The following MAP3K13 variants were observed in gnomAD, a reference collection of about 807,000 sequenced individuals.
MAP3K13 encodes the protein mitogen-activated protein kinase kinase kinase 13.
Under a neutral mutation model 104.0 loss-of-function variants are expected in MAP3K13, and 52 were observed. The ratio of observed to expected loss-of-function variants is 0.50; its 90% CI spans 0.40 to 0.63. The LOEUF (loss-of-function observed/expected upper bound fraction) is 0.63. Ranked by LOEUF, MAP3K13 falls within the 20% of genes least tolerant of loss-of-function variation. MAP3K13 has a pLI of 0.00. For synonymous variants in MAP3K13, 394 were observed against 442.2 expected (o/e 0.89, Z 1.37); for missense variants, 914 against 1,218.5 (o/e 0.75, Z 3.72).
chr3:185,424,158 A>G (rs543649255), intron 1 of MAP3K13, among the ~76,000 whole-genome samples: 207 of 152,196 alleles, frequency 1.4e-3, no homozygotes, highest in African/African-American at 4.8e-3. Flanking sequence ...AGGGAAAATA[A>G]CCCGGTATTT....
chr3:185,317,965 G>GA (rs528138539), intron 2 of MAP3K13, among the ~76,000 whole-genome samples: 112 of 130,898 alleles, frequency 8.6e-4, no homozygotes, highest in Admixed American at 2.2e-3. Flanking sequence ...AAACTTTAAA[G>GA]AAAAAAAAAA....
intron 7 of MAP3K13, among the ~76,000 whole-genome samples, chr3:185,455,995 GATATATATGAGATATAT>G (rs1332910480): frequency 1.4e-4 from 21 of 146,562 alleles, no homozygotes; most frequent in African/African-American, 3.0e-4. Flanking sequence ...ATATATATGA[GATATATATGAGATATAT>G]ATATATATGA....
At chr3:185,454,431 ATATATAT>A (rs1716159114) in intron 7 of MAP3K13, among the ~76,000 whole-genome samples, 1 of 105,998 alleles carries the variant, frequency 9.4e-6, no homozygotes, top group Non-Finnish European at 1.8e-5. Context: ...GATATATATG[ATATATAT>A]GAGATATATA....
At chr3:185,366,534 A>G (rs1048673992) in intron 1 of MAP3K13, among the ~76,000 whole-genome samples, 1 of 152,202 alleles carries the variant, frequency 6.6e-6, no homozygotes, top group African/African-American at 2.4e-5. Flanking sequence ...AAGTGGTTGC[A>G]CCATTTTACA....
chr3:185,451,319 G>C lies in MAP3K13; in HGVS notation c.1202G>C (p.Arg401Pro). Residue 401 changes from arginine (R) to proline (P), a missense_variant, in exon 7 of 14, where the codon CGG becomes CCG. Arg to Pro is a moderately radical substitution (Grantham distance 103). Transcript: ENST00000265026. Reference protein sequence around the residue: ...QSKPRNRPSFRQTLMHLDIAS... With the variant: ...QSKPRNRPSFPQTLMHLDIAS... ...AAACCTCGAAACCGACCTTCTTTTC[G>C]GCAGACACTCATGCATTTAGACATT... is the stretch of plus-strand genomic sequence containing the variant. The C allele has an allele frequency of 6.2e-7, 1 of 1,612,406 alleles. No individual in the cohort carries two copies. The highest frequency in any genetic ancestry group is 8.5e-7 in the Non-Finnish European group (1 of 1,179,242).
chr3:185,466,788 G>A (rs1407161962), intron 9 of MAP3K13, 38 bp from the exon 10 acceptor site: 10 of 1,612,660 alleles, frequency 6.2e-6, no homozygotes, highest in Non-Finnish European at 8.5e-6. Context: ...CTTTCTGTCT[G>A]CAATGACTGA....
At chr3:185,375,036 T>G (rs1724358100) in intron 1 of MAP3K13, among the ~76,000 whole-genome samples, 1 of 152,148 alleles carries the variant, frequency 6.6e-6, no homozygotes, top group Non-Finnish European at 1.5e-5. Flanking sequence ...GGTGGCAGTT[T>G]GAGGTAAAAC....
chr3:185,408,304 C>T (rs1713235151), intron 1 of MAP3K13, among the ~76,000 whole-genome samples: 2 of 152,152 alleles, frequency 1.3e-5, no homozygotes, highest in South Asian at 4.2e-4. Flanking sequence ...TGGCTCACAC[C>T]TGTAATCCCA....
chr3:185,324,720 T>C (rs1721987763), intron 2 of MAP3K13, among the ~76,000 whole-genome samples: 1 of 152,100 alleles, frequency 6.6e-6, no homozygotes, highest in South Asian at 2.1e-4. Flanking sequence ...AACTTCCTTT[T>C]AACCTCAAGG....
intron 1 of MAP3K13, among the ~76,000 whole-genome samples, chr3:185,365,545 G>A (rs1225562582): frequency 6.6e-6 from 1 of 152,144 alleles, no homozygotes; most frequent in South Asian, 2.1e-4. Flanking sequence ...GCTGAATTAA[G>A]TGCTTGGAGA....
At chr3:185,474,161 A>T (rs1344481678) in intron 11 of MAP3K13, among the ~76,000 whole-genome samples, 1 of 151,672 alleles carries the variant, frequency 6.6e-6, no homozygotes, top group Non-Finnish European at 1.5e-5. Flanking sequence ...TGTCTCTACT[A>T]AAAAAAATAC....
rs1721028093 is a variant in MAP3K13, at chr3:185,299,539, TTCTC to T, written c.-86+13908_-86+13911del. Among the ~76,000 whole-genome samples the T allele has an allele frequency of 3.7e-5, 2 of 54,484 alleles. 1 individual carries two copies. Among genetic ancestry groups the T allele is most frequent in the Admixed American group, 3.6e-4 (2 of 5,546 alleles). 35.7% of individuals were successfully genotyped at this position (54,484 alleles called of 152,430 possible). On this transcript the variant is annotated intron_variant, in intron 2 of 14. Transcript: ENST00000424227. Reference sequence around the variant, plus strand: ...TATCTTCTCTGTATGTCTGTCTGTTTTCTCTCTCTCTCTCTTTTTTTTTTTTTTT... The same window carrying T: ...TATCTTCTCTGTATGTCTGTCTGTTTTCTCTCTCTCTTTTTTTTTTTTTTT...
chr3:185,446,188 A>T (rs1715581355), intron 4 of MAP3K13, among the ~76,000 whole-genome samples: 1 of 152,088 alleles, frequency 6.6e-6, no homozygotes, highest in South Asian at 2.1e-4. Flanking sequence ...AAGCAAGGGG[A>T]TAGAGTCAGA....
Position 185,352,666 on chromosome 3 carries a change from C to T in MAP3K13, c.-86+67023C>T, listed in dbSNP as rs573829206. ...TGATTTATCCCTCTGTGTAAATACA[C>T]CAGCATATGTTATCTTGAACATAGA... is the stretch of plus-strand genomic sequence containing the variant. On this transcript the variant is annotated intron_variant, in intron 2 of 14. Coordinates refer to the MAP3K13 transcript ENST00000424227. Among the ~76,000 whole-genome samples the T allele has an allele frequency of 3.3e-4, 50 of 152,216 alleles. No individual in the cohort carries two copies. The South Asian group carries it at 9.3e-3, about 28-fold the overall frequency.
upstream of MAP3K13, among the ~76,000 whole-genome samples, chr3:185,360,538 T>C (rs1463998461): frequency 6.6e-6 from 1 of 152,198 alleles, no homozygotes; most frequent in Non-Finnish European, 1.5e-5. Context: ...ATAGTTGACA[T>C]GGAGGAGTCT....
chr3:185,473,828 T>C lies in MAP3K13; in HGVS notation c.2430+67T>C, dbSNP rs945299956. On this transcript the variant is annotated intron_variant, in intron 11 of 13. Coordinates refer to ENST00000265026, the MANE Select transcript of MAP3K13 (RefSeq NM_004721.5). This position sits in a 1 kb window ranked among gnomAD's most constrained non-coding sequence, Gnocchi z 4.9. ...AAGAATGCCAGAGCCTGTCATGTTA[T>C]ACACATTAGAGAGCATATGTAAAAA... 8 of 1,467,314 alleles carry C rather than the reference T, an allele frequency of 5.5e-6. No individual in the cohort carries two copies. The highest frequency in any genetic ancestry group is 7.4e-6 in the Non-Finnish European group (8 of 1,084,334). The allele number at this position is 1,467,314 out of a possible 1,614,324, so 90.9% of individuals were successfully genotyped here.
chr3:185,480,880 AACTC>A (rs1477610844), intron 13 of MAP3K13, among the ~76,000 whole-genome samples: 4 of 152,236 alleles, frequency 2.6e-5, no homozygotes, highest in Admixed American at 2.0e-4. Flanking sequence ...ATCTCATGAG[AACTC>A]ACTCACTATC....
At chr3:185,474,662 T>A (rs1463975742) in intron 11 of MAP3K13, among the ~76,000 whole-genome samples, 1 of 152,188 alleles carries the variant, frequency 6.6e-6, no homozygotes, top group Admixed American at 6.5e-5. Flanking sequence ...TTGACAGGCA[T>A]CGTGACCCAG....
chr3:185,321,093 C>T (rs980850692), intron 2 of MAP3K13, among the ~76,000 whole-genome samples: 1 of 151,622 alleles, frequency 6.6e-6, no homozygotes, highest in African/African-American at 2.4e-5. Context: ...CACATATACA[C>T]ATGCGTGCAC....
Sources: allele counts gnomAD v4.1 joint callset (sites outside exome capture counted in the v4.1 genomes callset), GRCh38; gene constraint gnomAD v4.1.1; non-coding constraint Gnocchi (gnomAD v3.1); transcripts MANE v1.5; gene names NCBI Gene and HGNC (gene_info 2026-07-23, HGNC 2026-07-21).